SLC9A2: variants seen among roughly 807,000 people sequenced by gnomAD.
SLC9A2 encodes sodium/hydrogen exchanger 2.
SLC9A2 carries 42 observed loss-of-function variants against 71.7 expected under a neutral mutation model. That is an observed-to-expected ratio of 0.59 (90% CI 0.46 to 0.76). SLC9A2 has a LOEUF of 0.76. Among genes scored for constraint, SLC9A2 ranks in the 30% least tolerant of loss-of-function variants. The pLI is 0.00. For synonymous variants in SLC9A2, 396 were observed against 392.5 expected, an observed-to-expected ratio of 1.01 and a Z score of -0.10; for missense variants, 829 against 1,017.4, an observed-to-expected ratio of 0.81 and a Z score of 2.52.
chr2:102,632,059 TAC>T lies in SLC9A2; in HGVS notation c.289+11930_289+11931del, dbSNP rs1359128908. Among the ~76,000 whole-genome samples, 158 of 126,018 alleles carry T rather than the reference TAC, an allele frequency of 1.3e-3. 3 individuals are homozygous for T. The highest frequency in any genetic ancestry group is 5.3e-3 in the African/African-American group (147 of 27,884). 82.7% of individuals were successfully genotyped at this position (126,018 alleles called of 152,430 possible). A position where few individuals can be genotyped will look rare whatever the true frequency, so the allele number is the denominator to read the frequency against. On this transcript the variant is annotated intron_variant, in intron 1 of 11. Coordinates refer to ENST00000233969, the MANE Select transcript of SLC9A2 (RefSeq NM_003048.6). Reference sequence around the variant, plus strand: ...ATATACATACACACACACATATATATACACACACATATATATACACACATATA... The same window carrying T: ...ATATACATACACACACACATATATATACACACATATATATACACACATATA...
At chr2:102,623,037 G>A (rs1676173624) in intron 1 of SLC9A2, among the ~76,000 whole-genome samples, 1 of 152,142 alleles carries the variant, frequency 6.6e-6, no homozygotes, top group South Asian at 2.1e-4. Context: ...TGCATAACAG[G>A]TGTATTTGTC....
At chr2:102,674,956 T>C (rs764540074) in intron 3 of SLC9A2, among the ~76,000 whole-genome samples, 1 of 152,194 alleles carries the variant, frequency 6.6e-6, no homozygotes, top group Non-Finnish European at 1.5e-5. Flanking sequence ...AAGTGAGATC[T>C]ACCCTGCCAG....
intron 3 of SLC9A2, 99 bp from the exon 4 acceptor site, chr2:102,683,162 C>A: frequency 1.3e-6 from 1 of 786,110 alleles, no homozygotes; most frequent in Non-Finnish European, 2.2e-6. Context: ...TAGTCTTGGG[C>A]AGAAGAGTAG....
At chr2:102,672,090 C>G (rs925691306) in intron 3 of SLC9A2, among the ~76,000 whole-genome samples, 10 of 151,716 alleles carry the variant, frequency 6.6e-5, no homozygotes, top group South Asian at 2.1e-4. Flanking sequence ...GCCTGGGAGA[C>G]AAAGCAAGAC....
chr2:102,708,026 C>T (rs1678015098), intron 11 of SLC9A2, 93 bp from the exon 12 acceptor site: 1 of 1,341,266 alleles, frequency 7.5e-7, no homozygotes, highest in South Asian at 1.4e-5. Flanking sequence ...AGCCCCAGGA[C>T]GTATCAGTTG....
chr2:102,640,564 G>C (rs920022423), intron 1 of SLC9A2, among the ~76,000 whole-genome samples: 6 of 152,322 alleles, frequency 3.9e-5, no homozygotes, highest in African/African-American at 1.4e-4. Context: ...ATACAGATGA[G>C]CATCCAGGTG....
chr2:102,674,371 C>T (rs1039821142), intron 3 of SLC9A2, among the ~76,000 whole-genome samples: 1 of 152,128 alleles, frequency 6.6e-6, no homozygotes, highest in Non-Finnish European at 1.5e-5. Flanking sequence ...AGGACAATGG[C>T]CTGGTATGAA....
chr2:102,677,535 C>G (rs1677364895), intron 3 of SLC9A2, among the ~76,000 whole-genome samples: 1 of 152,186 alleles, frequency 6.6e-6, no homozygotes, highest in Admixed American at 6.5e-5. Flanking sequence ...TGCCTCATCT[C>G]CACTCTGTCC....
intron 3 of SLC9A2, among the ~76,000 whole-genome samples, chr2:102,668,982 A>C (rs1677194759): frequency 6.6e-6 from 1 of 152,212 alleles, no homozygotes; most frequent in African/African-American, 2.4e-5. Context: ...TCTGAGTAAC[A>C]GAAGATTTTG....
intron 1 of SLC9A2, 68 bp downstream of exon 1, chr2:102,620,205 G>A: frequency 2.8e-6 from 4 of 1,419,854 alleles, no homozygotes; most frequent in Non-Finnish European, 3.9e-6. Flanking sequence ...GGGTGACCGG[G>A]TCAGCCAGCT....
intron 5 of SLC9A2, among the ~76,000 whole-genome samples, chr2:102,686,145 A>T (rs1573427522): frequency 6.6e-6 from 1 of 152,236 alleles, no homozygotes; most frequent in African/African-American, 2.4e-5. Context: ...TGAGCATCTT[A>T]CATGTTAATT....
chr2:102,711,033 T>C lies in SLC9A2; in HGVS notation c.*2544T>C, dbSNP rs966123921. On this transcript the variant is annotated 3_prime_UTR_variant, in exon 12 of 12. Transcript: ENST00000233969. The stretch of plus-strand genomic sequence containing the variant: ...TCAAAGTCTAATACTTTTAAAAGCA[T>C]GTGTTTTGTGTATATGCTCACAAAA... The C allele has an allele frequency of 1.3e-5, 2 of 152,350 alleles. No homozygotes were observed. Among genetic ancestry groups the C allele is most frequent in the Non-Finnish European group, 2.9e-5 (2 of 68,030 alleles). The allele number at this position is 152,350 out of a possible 1,614,324, so 9.4% of individuals were successfully genotyped here. A position where few individuals can be genotyped will look rare whatever the true frequency, so the allele number is the denominator to read the frequency against.
intron 1 of SLC9A2, among the ~76,000 whole-genome samples, chr2:102,654,534 T>A (rs903959545): frequency 4.6e-5 from 7 of 152,204 alleles, no homozygotes; most frequent in Non-Finnish European, 1.0e-4. Flanking sequence ...TTTACAGTTA[T>A]ATTGCTTTGG....
chr2:102,672,148 A>G (rs865919363), intron 3 of SLC9A2, among the ~76,000 whole-genome samples: 1 of 152,150 alleles, frequency 6.6e-6, no homozygotes, highest in African/African-American at 2.4e-5. Context: ...AAAAATATAT[A>G]GCAGATTTTT....
At chr2:102,622,740 C>G (rs1418994218) in intron 1 of SLC9A2, among the ~76,000 whole-genome samples, 2 of 152,182 alleles carry the variant, frequency 1.3e-5, no homozygotes, top group African/African-American at 2.4e-5. Flanking sequence ...AGCACTCCAT[C>G]ACTCCATCCA....
At chr2:102,654,228 T>G (rs957545107) in intron 1 of SLC9A2, among the ~76,000 whole-genome samples, 9 of 118,344 alleles carry the variant, frequency 7.6e-5, no homozygotes, top group Non-Finnish European at 9.8e-5. Flanking sequence ...TGAGACGGAG[T>G]CTCACTCTGG....
chr2:102,687,280 C>A (rs534113141), intron 5 of SLC9A2, among the ~76,000 whole-genome samples: 423 of 152,246 alleles, frequency 2.8e-3, no homozygotes, highest in Non-Finnish European at 4.5e-3. Context: ...TTAAGATACT[C>A]TGAACACACA....
chr2:102,706,439 T>C (rs60767854), intron 11 of SLC9A2, among the ~76,000 whole-genome samples: 5,276 of 146,352 alleles, frequency 0.036, 285 homozygotes, highest in African/African-American at 0.12. Context: ...GTCGGGGGAG[T>C]GGGGAGGGAT....
intron 1 of SLC9A2, among the ~76,000 whole-genome samples, chr2:102,646,015 G>A (rs1178478607): frequency 1.3e-5 from 2 of 152,044 alleles, no homozygotes; most frequent in African/African-American, 4.8e-5. Context: ...ATTCACCAAG[G>A]TTGAAATGAA....
Sources: allele counts gnomAD v4.1 joint callset (sites outside exome capture counted in the v4.1 genomes callset), GRCh38; gene constraint gnomAD v4.1.1; transcripts MANE v1.5; gene names NCBI Gene and HGNC (gene_info 2026-07-23, HGNC 2026-07-21).